Variants in AUTS2 observed in about 807,000 individuals in gnomAD.
AUTS2 encodes the protein autism susceptibility gene 2 protein.
A neutral mutation model predicts 112.4 loss-of-function variants in AUTS2; 17 were observed. That is an observed-to-expected ratio of 0.15 (90% CI 0.10 to 0.23). The LOEUF is 0.23. Ranked by LOEUF, AUTS2 falls within the 10% of genes least tolerant of loss-of-function variation. The probability of loss-of-function intolerance (pLI) is 1.00; values close to 1 mark genes in which losing one functional copy is unlikely to be tolerated. For missense variants in AUTS2, 1,510 were observed against 1,701.6 expected (o/e 0.89, Z 1.98); for synonymous variants, 751 against 702.7 (o/e 1.07, Z -1.09).
intron 6 of AUTS2, among the ~76,000 whole-genome samples, chr7:70,724,621 T>C (rs945108616): frequency 1.3e-5 from 2 of 151,716 alleles, no homozygotes; most frequent in Non-Finnish European, 1.5e-5. Flanking sequence ...AATTTTTTTA[T>C]TTTTTAGTAC....
chr7:69,971,860 G>C (rs1464534280), intron 2 of AUTS2, among the ~76,000 whole-genome samples: 1 of 152,140 alleles, frequency 6.6e-6, no homozygotes, highest in Non-Finnish European at 1.5e-5. Flanking sequence ...GGACATCTGA[G>C]TTGTTTTCCT....
intron 2 of AUTS2, among the ~76,000 whole-genome samples, chr7:69,950,603 T>C (rs1186379157): frequency 1.3e-5 from 2 of 152,138 alleles, no homozygotes; most frequent in African/African-American, 4.8e-5. Context: ...CTAATTTCAT[T>C]CTTAAACAGT....
chr7:69,703,906 GA>G (rs1797937170), intron 1 of AUTS2, among the ~76,000 whole-genome samples: 1 of 152,222 alleles, frequency 6.6e-6, no homozygotes, highest in Non-Finnish European at 1.5e-5. Context: ...TCTAGAATGT[GA>G]AAATAGTAAC....
chr7:70,734,237 A>G (rs1001168502), intron 6 of AUTS2, among the ~76,000 whole-genome samples: 10 of 152,028 alleles, frequency 6.6e-5, no homozygotes, highest in African/African-American at 2.4e-4. Flanking sequence ...CAGGAGATCA[A>G]GACCATCCTG....
intron 4 of AUTS2, among the ~76,000 whole-genome samples, chr7:70,266,078 A>C (rs1787408444): frequency 1.3e-5 from 2 of 152,226 alleles, no homozygotes; most frequent in African/African-American, 4.8e-5. Flanking sequence ...TGTTTCTACA[A>C]AACCTTGTAC....
intron 5 of AUTS2, among the ~76,000 whole-genome samples, chr7:70,605,836 T>C (rs2129531297): frequency 6.6e-6 from 1 of 152,304 alleles, no homozygotes; most frequent in Admixed American, 6.5e-5. Flanking sequence ...GGGATTTTAT[T>C]AGAAAGAGAA....
intron 5 of AUTS2, among the ~76,000 whole-genome samples, chr7:70,439,066 A>C (rs528919294): frequency 6.6e-6 from 1 of 152,266 alleles, no homozygotes; most frequent in Non-Finnish European, 1.5e-5. Context: ...CTTACTAATT[A>C]ACGTGGAAGT....
intron 4 of AUTS2, among the ~76,000 whole-genome samples, chr7:70,399,827 A>G (rs1485908733): frequency 6.6e-6 from 1 of 152,224 alleles, no homozygotes; most frequent in Non-Finnish European, 1.5e-5. Flanking sequence ...TGGTAAGCAT[A>G]CAGCCCAGTG....
intron 2 of AUTS2, among the ~76,000 whole-genome samples, chr7:69,998,419 C>T (rs890924544): frequency 6.6e-6 from 1 of 152,038 alleles, no homozygotes; most frequent in African/African-American, 2.4e-5. Context: ...CCAAGTGGCC[C>T]ACCTGTGTGG....
At chr7:70,311,526 A>G (rs545693117) in intron 4 of AUTS2, among the ~76,000 whole-genome samples, 1 of 152,184 alleles carries the variant, frequency 6.6e-6, no homozygotes, top group Non-Finnish European at 1.5e-5. Flanking sequence ...CCTATGGGGA[A>G]ATCTCTTTTT....
At chr7:69,609,049 C>T (rs529927147) in intron 1 of AUTS2, among the ~76,000 whole-genome samples, 1 of 152,320 alleles carries the variant, frequency 6.6e-6, no homozygotes, top group African/African-American at 2.4e-5. Flanking sequence ...ATCAGAGGCA[C>T]AGATGTTGTC....
At chr7:70,786,524 A>G (rs1342572434) in intron 17 of AUTS2, among the ~76,000 whole-genome samples, 2 of 152,188 alleles carry the variant, frequency 1.3e-5, no homozygotes. Flanking sequence ...TCCATCATCT[A>G]GGAGGACTCT....
chr7:70,755,816 A>G (rs1463256053), intron 6 of AUTS2, among the ~76,000 whole-genome samples: 1 of 152,040 alleles, frequency 6.6e-6, no homozygotes, highest in East Asian at 1.9e-4. Flanking sequence ...AACAATAATA[A>G]TACTCTTATT....
chr7:70,164,783 C>T (rs948329202), intron 4 of AUTS2, among the ~76,000 whole-genome samples: 1 of 151,876 alleles, frequency 6.6e-6, no homozygotes, highest in Non-Finnish European at 1.5e-5. Context: ...ATATTATTTA[C>T]CTGAGTTTCT....
intron 4 of AUTS2, among the ~76,000 whole-genome samples, chr7:70,191,282 C>T (rs1016608939): frequency 2.0e-5 from 3 of 151,548 alleles, no homozygotes; most frequent in African/African-American, 4.9e-5. Context: ...ATTCTCCCAC[C>T]TCAGCCTCCC....
At chr7:69,797,725 G>A (rs923553445) in intron 1 of AUTS2, among the ~76,000 whole-genome samples, 5 of 152,128 alleles carry the variant, frequency 3.3e-5, no homozygotes, top group African/African-American at 1.2e-4. Flanking sequence ...ACACTATAAG[G>A]TTATGTCTTC....
intron 5 of AUTS2, among the ~76,000 whole-genome samples, chr7:70,479,379 G>T (rs923675466): frequency 7.2e-5 from 11 of 152,144 alleles, no homozygotes; most frequent in Non-Finnish European, 1.6e-4. Context: ...TCAGAGGCAC[G>T]CTCTGAGGCA....
At chr7:69,628,814 C>T (rs879318977) in intron 1 of AUTS2, among the ~76,000 whole-genome samples, 9 of 152,100 alleles carry the variant, frequency 5.9e-5, no homozygotes, top group Non-Finnish European at 1.2e-4. Flanking sequence ...TTAGGGGTTA[C>T]AATTCAACAT....
At chr7:70,037,505 T>G (rs2129557337) in intron 2 of AUTS2, among the ~76,000 whole-genome samples, 1 of 152,328 alleles carries the variant, frequency 6.6e-6, no homozygotes, top group South Asian at 2.1e-4. Flanking sequence ...GTTGTACACC[T>G]TAAATATCCA....
Sources: gnomAD v4.1 joint callset for allele counts (sites outside exome capture counted in the v4.1 genomes callset) on GRCh38, gnomAD v4.1.1 for gene constraint, MANE v1.5 for transcripts, NCBI Gene and HGNC (gene_info 2026-07-23, HGNC 2026-07-21) for gene names.